Variants in PTPRD observed in about 807,000 individuals in gnomAD.
PTPRD encodes the protein receptor-type tyrosine-protein phosphatase delta.
PTPRD carries 34 observed loss-of-function variants against 214.5 expected under a neutral mutation model. That is an observed-to-expected ratio of 0.16 (90% CI 0.12 to 0.21). PTPRD has a LOEUF of 0.21. PTPRD is among the 10% of genes least tolerant of loss of function. PTPRD has a pLI of 1.00. For missense variants in PTPRD, 2,545 were observed against 2,398.7 expected (o/e 1.06, Z -1.27); for synonymous variants, 1,128 against 845.7 (o/e 1.33, Z -5.79).
At chr9:10,132,523 TAAG>T (rs1264270323) in intron 3 of PTPRD, among the ~76,000 whole-genome samples, 1 of 151,906 alleles carries the variant, frequency 6.6e-6, no homozygotes, top group Non-Finnish European at 1.5e-5. Context: ...GAATGCTTCT[TAAG>T]AAGATAGCTA....
intron 11 of PTPRD, among the ~76,000 whole-genome samples, chr9:8,797,532 T>G (rs981516418): frequency 2.0e-5 from 3 of 152,182 alleles, no homozygotes; most frequent in Non-Finnish European, 4.4e-5. Flanking sequence ...GAAGATCGCC[T>G]TGCCCTTGAG....
intron 2 of PTPRD, among the ~76,000 whole-genome samples, chr9:10,438,547 A>G (rs771856806): frequency 4.0e-5 from 6 of 151,582 alleles, no homozygotes; most frequent in Non-Finnish European, 8.9e-5. Flanking sequence ...GCCACTCCCA[A>G]GGTTGTCTGG....
At chr9:9,302,693 G>A (rs955085803) in intron 9 of PTPRD, among the ~76,000 whole-genome samples, 12 of 139,894 alleles carry the variant, frequency 8.6e-5, no homozygotes, top group East Asian at 8.5e-4. Flanking sequence ...TGGTTAACTC[G>A]TATGTATGCT....
At chr9:9,128,500 C>G (rs2099837577) in intron 10 of PTPRD, among the ~76,000 whole-genome samples, 1 of 152,128 alleles carries the variant, frequency 6.6e-6, no homozygotes, top group Non-Finnish European at 1.5e-5. Flanking sequence ...GGCCCATTAT[C>G]TCACTTATTT....
chr9:8,503,231 G>T (rs1713005041), intron 23 of PTPRD, among the ~76,000 whole-genome samples: 1 of 152,100 alleles, frequency 6.6e-6, no homozygotes, highest in South Asian at 2.1e-4. Context: ...TTGCTTATTT[G>T]TATGGAAGGA....
chr9:8,439,140 G>A (rs1269589463), intron 34 of PTPRD, among the ~76,000 whole-genome samples: 1 of 152,168 alleles, frequency 6.6e-6, no homozygotes, highest in Non-Finnish European at 1.5e-5. Flanking sequence ...GCAGATGGAT[G>A]TTTCACAGAA....
At chr9:8,991,488 T>C (rs2099366511) in intron 11 of PTPRD, among the ~76,000 whole-genome samples, 1 of 152,128 alleles carries the variant, frequency 6.6e-6, no homozygotes, top group Non-Finnish European at 1.5e-5. Context: ...TTAATGTTTA[T>C]TGAGGACTTG....
At chr9:9,727,574 C>T (rs1480150880) in intron 7 of PTPRD, among the ~76,000 whole-genome samples, 3 of 152,140 alleles carry the variant, frequency 2.0e-5, no homozygotes, top group Non-Finnish European at 4.4e-5. Flanking sequence ...TCCATGTAGT[C>T]CAATTATTAA....
intron 5 of PTPRD, among the ~76,000 whole-genome samples, chr9:9,823,268 A>C (rs552930390): frequency 6.6e-6 from 1 of 151,960 alleles, no homozygotes; most frequent in Admixed American, 6.6e-5. Flanking sequence ...GGAAGCTTAC[A>C]ATCATGATGG....
At chr9:10,185,067 A>T (rs866859624) in intron 3 of PTPRD, among the ~76,000 whole-genome samples, 17 of 152,206 alleles carry the variant, frequency 1.1e-4, no homozygotes, top group Admixed American at 5.9e-4. Flanking sequence ...ACATCATGAA[A>T]GTGTAAAAAT....
intron 8 of PTPRD, among the ~76,000 whole-genome samples, chr9:9,488,001 T>C (rs1264261368): frequency 6.6e-6 from 1 of 152,180 alleles, no homozygotes; most frequent in African/African-American, 2.4e-5. Context: ...ATTTTATTTT[T>C]ATACTATTTG....
chr9:10,172,522 A>G (rs2099215770), intron 3 of PTPRD, among the ~76,000 whole-genome samples: 1 of 152,130 alleles, frequency 6.6e-6, no homozygotes, highest in Non-Finnish European at 1.5e-5. Context: ...TCTATCCATA[A>G]TTCTCCATGT....
intron 12 of PTPRD, among the ~76,000 whole-genome samples, chr9:8,669,815 T>C (rs764801493): frequency 2.0e-5 from 3 of 152,144 alleles, no homozygotes; most frequent in African/African-American, 4.8e-5. Context: ...GTGGAGGTTA[T>C]GAATAATGTA....
intron 11 of PTPRD, among the ~76,000 whole-genome samples, chr9:8,921,833 G>A (rs565648208): frequency 1.3e-5 from 2 of 152,172 alleles, no homozygotes; most frequent in East Asian, 3.9e-4. Flanking sequence ...GCATAATCTT[G>A]GGGGAGCCAT....
chr9:9,990,786 T>G (rs1172471041), intron 4 of PTPRD, among the ~76,000 whole-genome samples: 2 of 152,186 alleles, frequency 1.3e-5, no homozygotes, highest in Non-Finnish European at 2.9e-5. Context: ...TTTATTATCA[T>G]GTTACCCTAA....
intron 8 of PTPRD, among the ~76,000 whole-genome samples, chr9:9,566,043 A>G (rs117261969): frequency 6.6e-6 from 1 of 151,878 alleles, no homozygotes; most frequent in Non-Finnish European, 1.5e-5. Flanking sequence ...ATTTGTGACA[A>G]CTTGAATTCT....
At chr9:10,515,643 A>G (rs1400334110) in intron 2 of PTPRD, among the ~76,000 whole-genome samples, 1 of 152,030 alleles carries the variant, frequency 6.6e-6, no homozygotes, top group Non-Finnish European at 1.5e-5. Flanking sequence ...AAAGTACAAT[A>G]CAGTCTTGTT....
intron 42 of PTPRD, among the ~76,000 whole-genome samples, chr9:8,339,719 T>C (rs1850605464): frequency 6.6e-6 from 1 of 152,006 alleles, no homozygotes; most frequent in African/African-American, 2.4e-5. Context: ...AAATACGAAA[T>C]AATGCTTACA....
chr9:10,068,877 T>A (rs578182986), intron 3 of PTPRD, among the ~76,000 whole-genome samples: 7 of 152,128 alleles, frequency 4.6e-5, no homozygotes, highest in African/African-American at 1.4e-4. Context: ...GCACCCTACA[T>A]ATCCATAAAG....
Sources: gnomAD v4.1 joint callset for allele counts (sites outside exome capture counted in the v4.1 genomes callset) on GRCh38, gnomAD v4.1.1 for gene constraint, MANE v1.5 for transcripts, NCBI Gene and HGNC (gene_info 2026-07-23, HGNC 2026-07-21) for gene names.